The following FAM178B variants were observed in gnomAD, a reference collection of about 807,000 sequenced individuals.
The protein encoded by FAM178B is family with sequence similarity 178 member B.
Under a neutral mutation model 91.7 loss-of-function variants are expected in FAM178B, and 82 were observed. The ratio of observed to expected loss-of-function variants is 0.89; its 90% CI spans 0.75 to 1.07. FAM178B has a LOEUF of 1.07. Ranked by LOEUF, FAM178B falls within the 50% of genes least tolerant of loss-of-function variation. The probability of loss-of-function intolerance (pLI) is 0.00; values close to 1 mark genes in which losing one functional copy is unlikely to be tolerated. For missense variants in FAM178B, 769 were observed against 846.7 expected (o/e 0.91, Z 1.14); for synonymous variants, 368 against 359.4 (o/e 1.02, Z -0.27).
At position 96,895,196 on chromosome 2, in the gene FAM178B, T is replaced by A. The variant is rs1024425900; in HGVS notation, c.1651-1145A>T. 4 of 1,015,434 alleles carry A rather than the reference T, an allele frequency of 3.9e-6. No individual in the cohort carries two copies. In the African/African-American group the frequency reaches 5.0e-5, roughly 13 times the overall value. 62.9% of individuals were successfully genotyped at this position (1,015,434 alleles called of 1,614,324 possible). On this transcript the variant is annotated intron_variant, in intron 13 of 16. Transcript: ENST00000490605. ...CGTATCGTTTTACCCATAAAGAGCT[T>A]CTACAGAAAAGATAAGGATTTCCCC...
At position 96,964,000 on chromosome 2, in the gene FAM178B, C is replaced by A. The variant is rs111274362; in HGVS notation, c.734+3520G>T. Among the ~76,000 whole-genome samples, 924 of 152,126 alleles carry A rather than the reference C, an allele frequency of 6.1e-3. 3 individuals are homozygous for A. The highest frequency in any genetic ancestry group is 0.01 in the Non-Finnish European group (692 of 67,972). ...TTCAAGACCAGCCTGGCCAATGTGG[C>A]AAAATCTTGTCTCTACTAAAAATAT... On this transcript the variant is annotated intron_variant, in intron 5 of 16. Coordinates refer to ENST00000490605, the MANE Select transcript of FAM178B (RefSeq NM_001122646.3).
At chr2:96,951,676 G>C in intron 6 of FAM178B, 192 bp from the exon 7 acceptor site, 1 of 569,126 alleles carries the variant, frequency 1.8e-6, no homozygotes. Context: ...GCTAGCATCA[G>C]AATCACCTGC....
intron 1 of FAM178B, among the ~76,000 whole-genome samples, chr2:96,976,370 G>C (rs546680744): frequency 1.3e-5 from 2 of 151,962 alleles, no homozygotes; most frequent in Admixed American, 6.6e-5. Context: ...TGGGATTACA[G>C]GCGTGAGCCA....
At position 96,914,785 on chromosome 2, in the gene FAM178B, G is replaced by A. The variant is rs886448573; in HGVS notation, c.1562+6380C>T. On this transcript the variant is annotated intron_variant, in intron 12 of 16. Coordinates refer to ENST00000490605, the MANE Select transcript of FAM178B (RefSeq NM_001122646.3). Reference sequence around the variant, plus strand: ...CATGCCTGTAGTCCCAGCTACTCGGGAGGCTGAGGCAGGAGGATCACTTAA... The same window carrying A: ...CATGCCTGTAGTCCCAGCTACTCGGAAGGCTGAGGCAGGAGGATCACTTAA... Among the ~76,000 whole-genome samples, 4 of 152,234 alleles carry A rather than the reference G, an allele frequency of 2.6e-5. 1 individual carries two copies. Among genetic ancestry groups the A allele is most frequent in the Non-Finnish European group, 1.5e-5 (1 of 68,016 alleles).
chr2:96,953,753 C>T (rs1052805734), intron 6 of FAM178B, among the ~76,000 whole-genome samples: 5 of 152,198 alleles, frequency 3.3e-5, no homozygotes, highest in African/African-American at 9.7e-5. Flanking sequence ...AGTGCATGCT[C>T]GGTGGGACGG....
chr2:96,902,579 A>C, intron 13 of FAM178B, 41 bp downstream of exon 13: 1 of 1,421,932 alleles, frequency 7.0e-7, no homozygotes. Flanking sequence ...CAGAGCCCGC[A>C]GGCCATGGCC....
At chr2:96,981,708 T>C (rs1305261399) in intron 1 of FAM178B, among the ~76,000 whole-genome samples, 1 of 134,910 alleles carries the variant, frequency 7.4e-6, no homozygotes, top group Non-Finnish European at 1.5e-5. Flanking sequence ...GCCACTGCAC[T>C]ATAGCCTGGG....
intron 12 of FAM178B, among the ~76,000 whole-genome samples, chr2:96,919,883 G>A (rs925288854): frequency 2.0e-5 from 3 of 152,208 alleles, no homozygotes; most frequent in Admixed American, 6.5e-5. Flanking sequence ...GCACTGAAGC[G>A]GAGCCCAGGA....
intron 6 of FAM178B, among the ~76,000 whole-genome samples, chr2:96,957,576 G>A (rs1030789295): frequency 5.9e-5 from 9 of 152,166 alleles, no homozygotes; most frequent in Non-Finnish European, 8.8e-5. Context: ...ACCGCTCCAT[G>A]GGCCATCTCA....
chr2:96,976,483 T>C (rs1177473685), intron 1 of FAM178B, among the ~76,000 whole-genome samples: 2 of 152,004 alleles, frequency 1.3e-5, no homozygotes, highest in Non-Finnish European at 2.9e-5. Flanking sequence ...CCAAAAGAAC[T>C]GAAAACAAAT....
chr2:96,968,802 C>T (rs2082179700), intron 4 of FAM178B, among the ~76,000 whole-genome samples: 4 of 152,202 alleles, frequency 2.6e-5, no homozygotes. Context: ...ATATCTCTGC[C>T]TGCTTCAGTT....
intron 14 of FAM178B, among the ~76,000 whole-genome samples, chr2:96,893,188 T>A (rs921267377): frequency 3.9e-5 from 6 of 152,114 alleles, no homozygotes; most frequent in African/African-American, 1.4e-4. Context: ...CCATTCTTCA[T>A]TCCCGAGTCC....
intron 8 of FAM178B, among the ~76,000 whole-genome samples, chr2:96,933,968 C>T (rs969366283): frequency 6.6e-6 from 1 of 152,216 alleles, no homozygotes; most frequent in Non-Finnish European, 1.5e-5. Context: ...CTTATCTTCC[C>T]GCAGCACTTT....
rs575163613 is a variant in FAM178B at position 96,983,257 on chromosome 2, G to A, written c.73+2984C>T. ...ACATTTAGTATAAATGTGTGTCTGT[G>A]TGTGCATATATATACACATATACAT... On this transcript the variant is annotated intron_variant, in intron 1 of 16. Transcript: ENST00000490605. Among the ~76,000 whole-genome samples the A allele has an allele frequency of 2.0e-5, 3 of 152,164 alleles. No individual in the cohort carries two copies. In the East Asian group the frequency reaches 5.8e-4, roughly 29 times the overall value.
intron 9 of FAM178B, among the ~76,000 whole-genome samples, chr2:96,925,922 T>C (rs970949173): frequency 3.4e-4 from 51 of 152,182 alleles, no homozygotes; most frequent in African/African-American, 1.0e-3. Flanking sequence ...TTTAATCAAT[T>C]GCCCCCTCAC....
intron 12 of FAM178B, among the ~76,000 whole-genome samples, chr2:96,903,095 A>T (rs2153369390): frequency 6.6e-6 from 1 of 152,270 alleles, no homozygotes; most frequent in African/African-American, 2.4e-5. Flanking sequence ...GCTGGAGTGC[A>T]GTGGCACAAT....
chr2:96,986,170 C>T, intron 1 of FAM178B, 71 bp downstream of exon 1: 1 of 1,529,978 alleles, frequency 6.5e-7, no homozygotes, highest in Non-Finnish European at 8.7e-7. Context: ...AGCCAGGAGT[C>T]CCAGGGAAGT....
chr2:96,894,889 C>G (rs1227134557), intron 13 of FAM178B, among the ~76,000 whole-genome samples: 4 of 130,954 alleles, frequency 3.1e-5, no homozygotes, highest in African/African-American at 1.2e-4. Flanking sequence ...GTCATCCCCC[C>G]CACAGACCCT....
intron 10 of FAM178B, 22 bp downstream of exon 10, chr2:96,923,468 T>C: frequency 3.3e-6 from 5 of 1,537,942 alleles, no homozygotes; most frequent in Non-Finnish European, 3.5e-6. Context: ...GTGCCCTGCA[T>C]GAGGCAGGCG....
Sources: gnomAD v4.1 joint callset for allele counts (sites outside exome capture counted in the v4.1 genomes callset) on GRCh38, gnomAD v4.1.1 for gene constraint, MANE v1.5 for transcripts, NCBI Gene and HGNC (gene_info 2026-07-23, HGNC 2026-07-21) for gene names.